The following CFAP95 variants were observed in gnomAD, a reference collection of about 807,000 sequenced individuals.
CFAP95 encodes cilia- and flagella-associated protein 95.
At chr9:69,896,984 T>C in the CFAP95 span, among the ~76,000 whole-genome samples, 406 of 152,296 alleles carry the variant, frequency 2.7e-3, 14 homozygotes, top group East Asian at 0.066. Flanking sequence ...CCATCCCCCA[T>C]TGGTCCCCAG....
At chr9:69,839,633 G>A in the CFAP95 span, among the ~76,000 whole-genome samples, 8 of 150,862 alleles carry the variant, frequency 5.3e-5, no homozygotes, top group Admixed American at 2.0e-4. Context: ...TCACCATGTT[G>A]GCCAGGCTGG....
At chr9:69,852,154 C>G in the CFAP95 span, among the ~76,000 whole-genome samples, 1 of 150,800 alleles carries the variant, frequency 6.6e-6, no homozygotes, top group Non-Finnish European at 1.5e-5. Flanking sequence ...GATAATCAAG[C>G]CTTTGTATAT....
At chr9:69,842,151 A>C in the CFAP95 span, among the ~76,000 whole-genome samples, 1 of 152,166 alleles carries the variant, frequency 6.6e-6, no homozygotes, top group Non-Finnish European at 1.5e-5. Flanking sequence ...CCAGGAACCC[A>C]GGTGGAGAGA....
the CFAP95 span, among the ~76,000 whole-genome samples, chr9:69,830,788 T>C: frequency 2.8e-4 from 42 of 152,314 alleles, no homozygotes; most frequent in African/African-American, 9.4e-4. Flanking sequence ...GCTGGGACTA[T>C]AGGCATGCAC....
chr9:69,877,544 GT>G, the CFAP95 span, among the ~76,000 whole-genome samples: 1 of 152,092 alleles, frequency 6.6e-6, no homozygotes. Context: ...CAGATATTTT[GT>G]TGCAAGTATA....
At chr9:69,864,795 TAAG>T in the CFAP95 span, among the ~76,000 whole-genome samples, 10 of 152,318 alleles carry the variant, frequency 6.6e-5, no homozygotes, top group Middle Eastern at 3.4e-3. Flanking sequence ...ATGTAAATAG[TAAG>T]AAGGATTTTT....
At chr9:69,826,969 C>T in the CFAP95 span, among the ~76,000 whole-genome samples, 3 of 152,190 alleles carry the variant, frequency 2.0e-5, no homozygotes, top group African/African-American at 4.8e-5. Context: ...CTGATTTTCA[C>T]AGCCATGCTC....
At chr9:69,860,604 CT>C in the CFAP95 span, among the ~76,000 whole-genome samples, 118,887 of 144,506 alleles carry the variant, frequency 0.82, 48,713 homozygotes, top group Middle Eastern at 0.89. Context: ...TATACCTTTT[CT>C]TTTTTTTTTT....
chr9:69,837,551 G>C, the CFAP95 span, among the ~76,000 whole-genome samples: 1 of 152,042 alleles, frequency 6.6e-6, no homozygotes, highest in Non-Finnish European at 1.5e-5. Flanking sequence ...GTCTGTTCAT[G>C]TCCTTCGCCC....
chr9:69,843,155 C>A, the CFAP95 span, among the ~76,000 whole-genome samples: 1 of 152,142 alleles, frequency 6.6e-6, no homozygotes. Flanking sequence ...ATTAGACTCA[C>A]TTCCCACTGC....
the CFAP95 span, among the ~76,000 whole-genome samples, chr9:69,904,964 G>A: frequency 4.7e-4 from 71 of 152,174 alleles, no homozygotes; most frequent in Non-Finnish European, 9.0e-4. Context: ...TGGCTTAGTC[G>A]CTTATTACTG....
chr9:69,865,880 T>C, the CFAP95 span, among the ~76,000 whole-genome samples: 3 of 152,146 alleles, frequency 2.0e-5, no homozygotes, highest in Non-Finnish European at 4.4e-5. Context: ...TCTAAGTGTT[T>C]TATATATGTT....
the CFAP95 span, chr9:69,858,255 C>T: frequency 2.6e-5 from 11 of 428,498 alleles, no homozygotes; most frequent in Non-Finnish European, 4.7e-5. Flanking sequence ...AGTCAATACT[C>T]GTGGTTCTGT....
chr9:69,887,845 G>A, the CFAP95 span, among the ~76,000 whole-genome samples: 1 of 152,218 alleles, frequency 6.6e-6, no homozygotes, highest in South Asian at 2.1e-4. Context: ...CTACTCTGTT[G>A]GAGGGAGAGG....
chr9:69,831,252 T>G, the CFAP95 span, among the ~76,000 whole-genome samples: 4 of 152,138 alleles, frequency 2.6e-5, no homozygotes, highest in African/African-American at 9.7e-5. Context: ...TAGCCTCCTT[T>G]TATAGACAGT....
At chr9:69,888,634 G>C in the CFAP95 span, among the ~76,000 whole-genome samples, 2 of 152,146 alleles carry the variant, frequency 1.3e-5, no homozygotes, top group African/African-American at 4.8e-5. Flanking sequence ...CCAGCACTTT[G>C]GGAGGCCGAG....
At chr9:69,896,166 A>G in the CFAP95 span, among the ~76,000 whole-genome samples, 1 of 152,220 alleles carries the variant, frequency 6.6e-6, no homozygotes, top group Non-Finnish European at 1.5e-5. Flanking sequence ...TCATTCCATT[A>G]TAAAACAGTG....
At chr9:69,895,398 T>TGTGTGTGTGTGTGTG in the CFAP95 span, among the ~76,000 whole-genome samples, 1 of 150,914 alleles carries the variant, frequency 6.6e-6, no homozygotes, top group African/African-American at 2.4e-5. Flanking sequence ...TGTGTGTGTA[T>TGTGTGTGTGTGTGTG]TCTATTGGTT....
the CFAP95 span, among the ~76,000 whole-genome samples, chr9:69,904,008 G>T: frequency 6.6e-6 from 1 of 152,202 alleles, no homozygotes; most frequent in African/African-American, 2.4e-5. Flanking sequence ...ACAGGAGTGA[G>T]CCTCTGTGCC....
Sources: gnomAD v4.1 joint callset for allele counts (sites outside exome capture counted in the v4.1 genomes callset) on GRCh38, gnomAD v4.1.1 for gene constraint, MANE v1.5 for transcripts, NCBI Gene and HGNC (gene_info 2026-07-23, HGNC 2026-07-21) for gene names.